Variants in CCDC15 observed in about 807,000 individuals in gnomAD.
The protein encoded by CCDC15 is coiled-coil domain containing 15.
In CCDC15, 105 loss-of-function variants were observed where a neutral mutation model predicts 114.5. That is an observed-to-expected ratio of 0.92 (90% CI 0.78 to 1.08). The LOEUF (loss-of-function observed/expected upper bound fraction) is 1.08, where lower values mean the gene tolerates loss of function less well. Ranked by LOEUF, CCDC15 falls within the 50% of genes least tolerant of loss-of-function variation. The probability of loss-of-function intolerance (pLI) is 0.00; values close to 1 mark genes in which losing one functional copy is unlikely to be tolerated. For synonymous variants in CCDC15, 334 were observed against 377.8 expected (o/e 0.88, Z 1.34); for missense variants, 1,105 against 1,093.6 (o/e 1.01, Z -0.15).
chr11:125,009,834 T>C lies in CCDC15; in HGVS notation c.2411+4622T>C, dbSNP rs1387751317. On this transcript the variant is annotated intron_variant, in intron 13 of 15. Transcript: ENST00000344762. Reference sequence around the variant, plus strand: ...CCATGTTGCTGTAAAGGACATGATTTCATTCTTTTATATGGTTGCATAGTC... The same window carrying C: ...CCATGTTGCTGTAAAGGACATGATTCCATTCTTTTATATGGTTGCATAGTC... Among the ~76,000 whole-genome samples, 3 of 152,358 alleles carry C rather than the reference T, an allele frequency of 2.0e-5. No homozygotes were observed. In the East Asian group the frequency reaches 5.8e-4, roughly 29 times the overall value.
rs117813884 is a variant in CCDC15 at position 125,030,338 on chromosome 11, A to G, written c.2412-8093A>G. Among the ~76,000 whole-genome samples, 8 of 152,310 alleles carry G rather than the reference A, an allele frequency of 5.3e-5. No individual in the cohort carries two copies. The East Asian group carries it at 9.6e-4, about 18-fold the overall frequency. On this transcript the variant is annotated intron_variant, in intron 13 of 15. Transcript: ENST00000344762. Reference sequence around the variant, plus strand: ...CTTCAAAAGGATATTCCACCATTCTATCAATCCAGCTGCTTCAGGATGATG... The same window carrying G: ...CTTCAAAAGGATATTCCACCATTCTGTCAATCCAGCTGCTTCAGGATGATG...
chr11:125,005,294 G>A (rs1248143642), intron 13 of CCDC15, 82 bp downstream of exon 13: 1 of 603,864 alleles, frequency 1.7e-6, no homozygotes, highest in Non-Finnish European at 2.8e-6. Context: ...AAAGGTAATG[G>A]TTTTGCCCTC....
intron 4 of CCDC15, among the ~76,000 whole-genome samples, chr11:124,967,156 G>A (rs552714045): frequency 2.1e-4 from 32 of 152,246 alleles, no homozygotes; most frequent in African/African-American, 7.2e-4. Context: ...GGTGTTTTCT[G>A]TATTTCCTGA....
chr11:124,991,158 C>T (rs1490707409), intron 8 of CCDC15, among the ~76,000 whole-genome samples: 2 of 152,208 alleles, frequency 1.3e-5, no homozygotes, highest in Non-Finnish European at 2.9e-5. Context: ...GGCACTTCCT[C>T]TGGATGTCCA....
At chr11:124,994,671 A>C (rs1218508490) in intron 11 of CCDC15, among the ~76,000 whole-genome samples, 2 of 152,128 alleles carry the variant, frequency 1.3e-5, no homozygotes, top group South Asian at 2.1e-4. Flanking sequence ...ACCAAGAAAT[A>C]AACTAATCAG....
At chr11:124,957,718 T>G (rs1207245880) in intron 2 of CCDC15, among the ~76,000 whole-genome samples, 2 of 152,180 alleles carry the variant, frequency 1.3e-5, no homozygotes, top group East Asian at 3.8e-4. Flanking sequence ...ACTTGTACAC[T>G]CCACTAGAGT....
At chr11:125,019,882 T>C (rs1043177734) in intron 13 of CCDC15, among the ~76,000 whole-genome samples, 3 of 151,914 alleles carry the variant, frequency 2.0e-5, no homozygotes, top group Non-Finnish European at 4.4e-5. Context: ...ATTAGTGGGG[T>C]ACGTGTGAAA....
intron 6 of CCDC15, among the ~76,000 whole-genome samples, chr11:124,983,795 G>A (rs1417847255): frequency 2.6e-5 from 4 of 152,010 alleles, no homozygotes; most frequent in East Asian, 1.9e-4. Flanking sequence ...GGTACACGCC[G>A]TGGTGGGGTG....
intron 13 of CCDC15, among the ~76,000 whole-genome samples, chr11:125,009,577 G>A (rs1290627457): frequency 6.6e-6 from 1 of 152,126 alleles, no homozygotes; most frequent in African/African-American, 2.4e-5. Context: ...TGATGCTGAA[G>A]GTTGTGGTAT....
intron 4 of CCDC15, among the ~76,000 whole-genome samples, chr11:124,968,069 C>G (rs975971432): frequency 2.6e-5 from 4 of 152,184 alleles, no homozygotes; most frequent in African/African-American, 4.8e-5. Flanking sequence ...GTCAGTCGGT[C>G]CCTACTGGGA....
intron 3 of CCDC15, 90 bp from the exon 4 acceptor site, chr11:124,959,725 T>TTAAAAAATTA: frequency 1.1e-5 from 3 of 264,120 alleles, no homozygotes; most frequent in Admixed American, 6.9e-5. Context: ...CCCACCCCAA[T>TTAAAAAATTA]TTAAAATCTT....
At position 124,971,914 on chromosome 11, in the gene CCDC15, C is replaced by G. The variant is rs192567530; in HGVS notation, c.517-3182C>G. Among the ~76,000 whole-genome samples the G allele has an allele frequency of 2.0e-5, 3 of 152,170 alleles. No homozygotes were observed. In the East Asian group the frequency reaches 5.8e-4, roughly 29 times the overall value. The stretch of plus-strand genomic sequence containing the variant: ...CTAGGAAGGATGAGGATTTATTCCT[C>G]TTTCTCTCCCCTGCCACCACTACAC... On this transcript the variant is annotated intron_variant, in intron 4 of 15. Coordinates refer to ENST00000344762, the MANE Select transcript of CCDC15 (RefSeq NM_025004.3).
At chr11:124,960,218 T>C (rs923852233) in intron 4 of CCDC15, among the ~76,000 whole-genome samples, 2 of 151,742 alleles carry the variant, frequency 1.3e-5, no homozygotes, top group East Asian at 3.8e-4. Context: ...TCATTTGTGT[T>C]TGGTAAGATA....
At chr11:124,974,314 A>G (rs1947936648) in intron 4 of CCDC15, among the ~76,000 whole-genome samples, 2 of 152,110 alleles carry the variant, frequency 1.3e-5, no homozygotes, top group Non-Finnish European at 2.9e-5. Context: ...TATATGTTTT[A>G]TTTGTTTCCC....
chr11:125,014,758 C>G (rs561552607), intron 13 of CCDC15, among the ~76,000 whole-genome samples: 55 of 152,250 alleles, frequency 3.6e-4, no homozygotes, highest in African/African-American at 1.2e-3. Flanking sequence ...AGCACAACCA[C>G]TTTGGAAAAC....
rs779376164 is a variant in CCDC15 at position 124,954,748 on chromosome 11, G to A, written c.16G>A (p.Ala6Thr). 3 of 1,613,846 alleles carry A rather than the reference G, an allele frequency of 1.9e-6. No individual in the cohort carries two copies. The East Asian group carries it at 6.7e-5, about 36-fold the overall frequency. MLGSMARKKPRNTSRL... is the reference protein window; with the variant it reads MLGSMTRKKPRNTSRL... ...GGAGTCACAGATGCTGGGAAGTATG[G>A]CCCGAAAGAAACCTCGAAATACCTC... Residue 6 changes from alanine (A) to threonine (T), a missense_variant, in exon 2 of 16, where the codon GCC becomes ACC. Transcript: ENST00000344762.
At chr11:124,958,146 T>TA (rs1358339201) in intron 2 of CCDC15, among the ~76,000 whole-genome samples, 1 of 152,192 alleles carries the variant, frequency 6.6e-6, no homozygotes, top group Admixed American at 6.5e-5. Flanking sequence ...AGATCCATAA[T>TA]AATGATAAGT....
intron 10 of CCDC15, among the ~76,000 whole-genome samples, 166 bp from the exon 11 acceptor site, chr11:124,993,003 A>G (rs1948296371): frequency 6.6e-6 from 1 of 151,304 alleles, no homozygotes; most frequent in Non-Finnish European, 1.5e-5. Flanking sequence ...TTCTACTTTG[A>G]TGCAAGTTTG....
rs1401414838 is a variant in CCDC15 at position 124,987,857 on chromosome 11, A to G, written c.1631A>G (p.Gln544Arg). 1 of 1,614,054 alleles carries G rather than the reference A, an allele frequency of 6.2e-7. No homozygotes were observed. The highest frequency in any genetic ancestry group is 1.1e-5 in the South Asian group (1 of 91,086). Residue 544 changes from glutamine (Q) to arginine (R), a missense_variant, in exon 8 of 16, where the codon CAG becomes CGG. By Grantham distance (43) the Gln-to-Arg change is conservative. Transcript: ENST00000344762. ...GACCAGGACTTTTTATCTAGAGACC[A>G]GCATGTTCTCCCCAAAGACTGGAAT... ...PKDQDFLSRDQHVLPKDWNIL... is the reference protein window; with the variant it reads ...PKDQDFLSRDRHVLPKDWNIL...
Sources: gnomAD v4.1 joint callset for allele counts (sites outside exome capture counted in the v4.1 genomes callset) on GRCh38, gnomAD v4.1.1 for gene constraint, MANE v1.5 for transcripts, NCBI Gene and HGNC (gene_info 2026-07-23, HGNC 2026-07-21) for gene names.